SPMIP2: variants seen among roughly 807,000 people sequenced by gnomAD.
SPMIP2 encodes sperm microtubule inner protein 2.
At chr4:159,034,712 G>A in the SPMIP2 span, among the ~76,000 whole-genome samples, 2 of 152,182 alleles carry the variant, frequency 1.3e-5, no homozygotes, top group East Asian at 3.9e-4. Context: ...CCAACATGGT[G>A]AAACCCTCAT....
At chr4:158,935,124 A>G in the SPMIP2 span, among the ~76,000 whole-genome samples, 3 of 152,160 alleles carry the variant, frequency 2.0e-5, no homozygotes, top group African/African-American at 7.2e-5. Flanking sequence ...GCTTCCCACC[A>G]AACTTTTAAA....
chr4:159,047,777 C>G, the SPMIP2 span, among the ~76,000 whole-genome samples: 1 of 152,220 alleles, frequency 6.6e-6, no homozygotes, highest in African/African-American at 2.4e-5. Flanking sequence ...AGCCCTGCCT[C>G]TGGGTCTACA....
At chr4:158,900,664 T>C in the SPMIP2 span, among the ~76,000 whole-genome samples, 2 of 152,190 alleles carry the variant, frequency 1.3e-5, no homozygotes, top group African/African-American at 4.8e-5. Flanking sequence ...AACCCCTACT[T>C]TTTTTCACTT....
the SPMIP2 span, among the ~76,000 whole-genome samples, chr4:159,010,117 C>T: frequency 6.6e-6 from 1 of 152,210 alleles, no homozygotes; most frequent in South Asian, 2.1e-4. Flanking sequence ...TATTAGTGGA[C>T]ACGTTGTTAA....
At chr4:159,058,889 T>C in the SPMIP2 span, among the ~76,000 whole-genome samples, 1 of 152,196 alleles carries the variant, frequency 6.6e-6, no homozygotes, top group African/African-American at 2.4e-5. Flanking sequence ...CAGTTTTACA[T>C]AAAGTAAAAT....
At chr4:159,033,846 A>G in the SPMIP2 span, among the ~76,000 whole-genome samples, 2 of 152,146 alleles carry the variant, frequency 1.3e-5, no homozygotes, top group African/African-American at 2.4e-5. Flanking sequence ...CACACTTTGG[A>G]AAAAAAGAAA....
the SPMIP2 span, among the ~76,000 whole-genome samples, chr4:159,005,152 A>G: frequency 1.5e-5 from 1 of 64,616 alleles, no homozygotes; most frequent in Non-Finnish European, 3.1e-5. Context: ...AATCCCTTGA[A>G]CCCAGGTTGC....
At chr4:159,034,772 T>A in the SPMIP2 span, among the ~76,000 whole-genome samples, 1 of 152,048 alleles carries the variant, frequency 6.6e-6, no homozygotes, top group Non-Finnish European at 1.5e-5. Context: ...ATGCCTGTAA[T>A]CCCAGCTACT....
chr4:158,983,177 A>G, the SPMIP2 span, among the ~76,000 whole-genome samples: 1 of 152,330 alleles, frequency 6.6e-6, no homozygotes, highest in Non-Finnish European at 1.5e-5. Flanking sequence ...GACCAAATCT[A>G]TGTCTGATTG....
At chr4:158,922,179 C>T in the SPMIP2 span, among the ~76,000 whole-genome samples, 29 of 152,244 alleles carry the variant, frequency 1.9e-4, no homozygotes, top group African/African-American at 3.9e-4. Context: ...TGAGCCACCG[C>T]GCCCAGCCTT....
chr4:159,079,999 C>T, the SPMIP2 span, among the ~76,000 whole-genome samples: 1 of 151,998 alleles, frequency 6.6e-6, no homozygotes, highest in Non-Finnish European at 1.5e-5. Context: ...TTGCTTTATT[C>T]CATCATCTCC....
chr4:158,956,914 G>C, the SPMIP2 span, among the ~76,000 whole-genome samples: 1 of 152,030 alleles, frequency 6.6e-6, no homozygotes, highest in African/African-American at 2.4e-5. Context: ...TCGTCTCCTG[G>C]CTGATGTTTC....
At chr4:159,052,946 A>AT in the SPMIP2 span, among the ~76,000 whole-genome samples, 2 of 101,758 alleles carry the variant, frequency 2.0e-5, no homozygotes, top group Admixed American at 1.0e-4. Context: ...GACTATTATT[A>AT]TTATTATTAT....
the SPMIP2 span, among the ~76,000 whole-genome samples, chr4:159,070,269 A>T: frequency 6.6e-6 from 1 of 152,238 alleles, no homozygotes; most frequent in Non-Finnish European, 1.5e-5. Flanking sequence ...ACATTTAGTG[A>T]ATACAGTGAA....
At chr4:159,046,253 G>A in the SPMIP2 span, among the ~76,000 whole-genome samples, 7 of 150,906 alleles carry the variant, frequency 4.6e-5, no homozygotes, top group African/African-American at 7.3e-5. Context: ...AAGGGCAGCC[G>A]GCTTCCTTCA....
chr4:159,067,833 T>C, the SPMIP2 span, among the ~76,000 whole-genome samples: 1 of 151,808 alleles, frequency 6.6e-6, no homozygotes, highest in Non-Finnish European at 1.5e-5. Context: ...AACAACCCCA[T>C]CAAAAAGTGG....
the SPMIP2 span, among the ~76,000 whole-genome samples, chr4:158,943,858 C>CTTTTCTTT: frequency 9.8e-6 from 1 of 101,912 alleles, no homozygotes; most frequent in South Asian, 3.5e-4. Flanking sequence ...TTGACATTTT[C>CTTTTCTTT]TTTTTTTTTT....
chr4:159,017,900 T>C, the SPMIP2 span, among the ~76,000 whole-genome samples: 1 of 152,300 alleles, frequency 6.6e-6, no homozygotes, highest in East Asian at 1.9e-4. Flanking sequence ...CAAAGCGAGA[T>C]GTGGGCTAGA....
At chr4:158,946,584 A>G in the SPMIP2 span, among the ~76,000 whole-genome samples, 1 of 152,082 alleles carries the variant, frequency 6.6e-6, no homozygotes, top group Non-Finnish European at 1.5e-5. Flanking sequence ...TTCTGCCACA[A>G]TTGTAAGTTT....
Sources: allele counts gnomAD v4.1 joint callset (sites outside exome capture counted in the v4.1 genomes callset), GRCh38; gene constraint gnomAD v4.1.1; transcripts MANE v1.5; gene names NCBI Gene and HGNC (gene_info 2026-07-23, HGNC 2026-07-21).